Variants in SANBR observed in about 807,000 individuals in gnomAD.
SANBR encodes the protein SANT and BTB domain regulator of class switch recombination.
Under a neutral mutation model 101.8 loss-of-function variants are expected in SANBR, and 77 were observed. The observed-to-expected ratio is 0.76, with a 90% CI of 0.63 to 0.91. The LOEUF is 0.91. Among genes scored for constraint, SANBR ranks in the 40% least tolerant of loss-of-function variants. The pLI, the probability that SANBR is intolerant of heterozygous loss-of-function variation, is 0.00. For missense variants in SANBR, 875 were observed against 853.0 expected, an observed-to-expected ratio of 1.03 and a Z score of -0.32; for synonymous variants, 279 against 274.7, an observed-to-expected ratio of 1.02 and a Z score of -0.15.
Position 61,122,194 on chromosome 2 carries a change from G to A in SANBR, c.*32G>A, listed in dbSNP as rs1214890248. On this transcript the variant is annotated 3_prime_UTR_variant, in exon 22 of 22. Coordinates refer to ENST00000402291, the MANE Select transcript of SANBR (RefSeq NM_001129993.3). ...TTAAAATATAAGTAAAAAGAGAGAA[G>A]GCACTCTTCTGGACATCTGAAATTG... 2 of 1,544,792 alleles carry A rather than the reference G, an allele frequency of 1.3e-6. No homozygotes were observed. Among genetic ancestry groups the A allele is most frequent in the Non-Finnish European group, 8.7e-7 (1 of 1,143,358 alleles).
downstream of SANBR, chr2:61,124,324 G>GA (rs1180090315): frequency 4.4e-6 from 4 of 907,144 alleles, no homozygotes; most frequent in Non-Finnish European, 5.3e-6. Flanking sequence ...CATCTTCTCA[G>GA]AAAAAAAGTC....
chr2:61,075,284 G>C (rs1681707265), intron 5 of SANBR: 1 of 152,300 alleles, frequency 6.6e-6, no homozygotes, highest in African/African-American at 2.4e-5. Flanking sequence ...TTGAGACGGA[G>C]TCTCACTCTG....
intron 10 of SANBR, chr2:61,088,891 A>G: frequency 2.2e-6 from 2 of 920,462 alleles, no homozygotes; most frequent in South Asian, 1.0e-4. Context: ...ATGGGATAAC[A>G]TCTTTTCTGC....
intron 11 of SANBR, chr2:61,094,009 C>G (rs1682906932): frequency 5.1e-6 from 4 of 785,128 alleles, no homozygotes; most frequent in Admixed American, 6.2e-5. Flanking sequence ...AGTAATTTTC[C>G]TCTGTCACTT....
chr2:61,128,163 T>C (rs1246388271), downstream of SANBR, among the ~76,000 whole-genome samples: 1 of 151,806 alleles, frequency 6.6e-6, no homozygotes, highest in African/African-American at 2.4e-5. Context: ...TCCCAGCTAC[T>C]TGGGAGGTTG....
chr2:61,135,630 G>A (rs1422778776), intron 21 of SANBR, among the ~76,000 whole-genome samples: 1 of 152,182 alleles, frequency 6.6e-6, no homozygotes, highest in Non-Finnish European at 1.5e-5. Context: ...AATCAGGAAA[G>A]CATAGATTCT....
intron 16 of SANBR, among the ~76,000 whole-genome samples, chr2:61,109,681 G>GTTTT (rs1297359773): frequency 2.5e-4 from 31 of 124,796 alleles, no homozygotes; most frequent in South Asian, 1.0e-3. Context: ...TTTTGTGTTT[G>GTTTT]TTTTTTTTTT....
At chr2:61,086,586 T>A (rs1425891371) in intron 8 of SANBR, among the ~76,000 whole-genome samples, 2 of 152,102 alleles carry the variant, frequency 1.3e-5, no homozygotes, top group Non-Finnish European at 2.9e-5. Context: ...AATGCTTAAG[T>A]GACCAAATGT....
intron 11 of SANBR, 64 bp from the exon 12 acceptor site, chr2:61,097,636 G>A (rs1683091290): frequency 1.6e-6 from 2 of 1,261,454 alleles, no homozygotes; most frequent in African/African-American, 3.0e-5. Context: ...TTGGTCTTAA[G>A]TATTTTTGAA....
At chr2:61,136,723 G>C (rs1684861037) in intron 21 of SANBR, among the ~76,000 whole-genome samples, 1 of 151,590 alleles carries the variant, frequency 6.6e-6, no homozygotes, top group Non-Finnish European at 1.5e-5. Context: ...TGTAATCCCA[G>C]CACTTTGGGA....
intron 13 of SANBR, among the ~76,000 whole-genome samples, chr2:61,104,949 A>C (rs548711395): frequency 1.7e-4 from 25 of 151,322 alleles, no homozygotes; most frequent in Admixed American, 5.3e-4. Flanking sequence ...GATTGATCCA[A>C]CTAGAAAAAA....
At chr2:61,110,796 C>T (rs573507630) in intron 16 of SANBR, among the ~76,000 whole-genome samples, 2 of 151,694 alleles carry the variant, frequency 1.3e-5, no homozygotes, top group South Asian at 2.1e-4. Flanking sequence ...TGCAGTGAGC[C>T]GAGACCATCC....
chr2:61,117,622 G>A, intron 19 of SANBR, 82 bp downstream of exon 19: 3 of 1,241,158 alleles, frequency 2.4e-6, no homozygotes, highest in Non-Finnish European at 2.3e-6. Context: ...ACAGTATGCT[G>A]AATAGCTCTA....
At chr2:61,100,735 A>AT (rs1683243310) in intron 12 of SANBR, among the ~76,000 whole-genome samples, 1 of 152,184 alleles carries the variant, frequency 6.6e-6, no homozygotes, top group African/African-American at 2.4e-5. Flanking sequence ...TGAGGGGAGT[A>AT]TGGAAGGTTT....
At position 61,104,463 on chromosome 2, in the gene SANBR, CAGAGCAAAAAAAAA is replaced by C. The variant is rs1439746854; in HGVS notation, c.1511+481_1511+494del. On this transcript the variant is annotated intron_variant, in intron 13 of 21. Coordinates refer to ENST00000402291, the MANE Select transcript of SANBR (RefSeq NM_001129993.3). ...TGCCACTGCACTCCAGCCTGGGTGA[CAGAGCAAAAAAAAA>C]AGAGCAAAAAAAAAAAAGAAAAGAG... Among the ~76,000 whole-genome samples, 20 of 132,774 alleles carry C rather than the reference CAGAGCAAAAAAAAA, an allele frequency of 1.5e-4. No homozygotes were observed. The South Asian group carries it at 1.9e-3, about 12-fold the overall frequency. 87.1% of individuals were successfully genotyped at this position (132,774 alleles called of 152,430 possible).
rs1001984876 is a variant in SANBR, at chr2:61,118,038, A to G, written c.1950A>G (p.Arg650=). The change falls in exon 20 of 22, where the codon CGA becomes CGG. Residue 650 remains arginine, a synonymous_variant. Transcript: ENST00000402291. The part of the protein sequence containing the change: ...QDAQREDDQR[R]MTEITGHLIK... ...TTTTTTTCCCTTCAGATCAACGGCGAATGACTGAAATTACAGGGCACCTAA... is the reference window on the plus strand; with the variant it reads ...TTTTTTTCCCTTCAGATCAACGGCGGATGACTGAAATTACAGGGCACCTAA... 1 of 1,613,134 alleles carries G rather than the reference A, an allele frequency of 6.2e-7. No homozygotes were observed. The highest frequency in any genetic ancestry group is 1.3e-5 in the African/African-American group (1 of 74,896).
chr2:61,081,271 C>T (rs1682108745), intron 6 of SANBR, among the ~76,000 whole-genome samples, 181 bp from the exon 7 acceptor site: 1 of 151,970 alleles, frequency 6.6e-6, no homozygotes, highest in South Asian at 2.1e-4. Context: ...TACATTTTCT[C>T]CATACCCTAA....
intron 12 of SANBR, among the ~76,000 whole-genome samples, chr2:61,102,611 C>T (rs1683343470): frequency 6.6e-6 from 1 of 151,446 alleles, no homozygotes; most frequent in Non-Finnish European, 1.5e-5. Context: ...CATGTTGGCT[C>T]ACTGCAACCT....
chr2:61,111,358 A>G (rs1573653704), intron 16 of SANBR, among the ~76,000 whole-genome samples: 2 of 152,212 alleles, frequency 1.3e-5, no homozygotes, highest in South Asian at 2.1e-4. Flanking sequence ...GTGCCACTGC[A>G]CTCCAGCCTG....
Sources: allele counts gnomAD v4.1 joint callset (sites outside exome capture counted in the v4.1 genomes callset), GRCh38; gene constraint gnomAD v4.1.1; transcripts MANE v1.5; gene names NCBI Gene and HGNC (gene_info 2026-07-23, HGNC 2026-07-21).